LRP2: variants seen among roughly 807,000 people sequenced by gnomAD.
LRP2 encodes LDL receptor related protein 2.
A neutral mutation model predicts 531.0 loss-of-function variants in LRP2; 172 were observed. The observed-to-expected ratio is 0.32, with a 90% CI of 0.29 to 0.37. LRP2 has a LOEUF of 0.37. Ranked by LOEUF, LRP2 falls within the 10% of genes least tolerant of loss-of-function variation. The pLI is 1.00. For synonymous variants in LRP2, 1,992 were observed against 2,027.6 expected (o/e 0.98, Z 0.47); for missense variants, 5,167 against 5,868.3 (o/e 0.88, Z 3.90).
Position 169,238,151 on chromosome 2 carries a change from C to G in LRP2, c.4446G>C (p.Trp1482Cys). 1 of 1,614,116 alleles carries G rather than the reference C, an allele frequency of 6.2e-7. No individual in the cohort carries two copies. The highest frequency in any genetic ancestry group is 8.5e-7 in the Non-Finnish European group (1 of 1,180,004). The change falls in exon 27 of 79, where the codon TGG (tryptophan) becomes TGC (cysteine). Residue 1482 changes from tryptophan (W) to cysteine (C), a missense_variant. Trp to Cys is a radical substitution (Grantham distance 215). Transcript: ENST00000649046. Reference sequence around the variant, plus strand: ...AGGTTTTACCCTGAGTTGCATCAGACCAAAAGATACGACCACTAATTGAAT... The same window carrying G: ...AGGTTTTACCCTGAGTTGCATCAGAGCAAAAGATACGACCACTAATTGAAT... ...DFDSISGRIF[W>C]SDATQGKTWS...
chr2:169,169,630 G>C, intron 60 of LRP2, 72 bp downstream of exon 60: 1 of 1,136,542 alleles, frequency 8.8e-7, no homozygotes, highest in East Asian at 2.3e-5. Flanking sequence ...AGAAGCGGCA[G>C]CGGACTGATG....
chr2:169,355,657 T>C (rs1005944340), intron 1 of LRP2, among the ~76,000 whole-genome samples: 3 of 152,192 alleles, frequency 2.0e-5, no homozygotes, highest in Non-Finnish European at 2.9e-5. Flanking sequence ...TGTGATCTGA[T>C]AGGAGGTGGC....
intron 1 of LRP2, among the ~76,000 whole-genome samples, chr2:169,322,007 C>G (rs1279966088): frequency 6.6e-6 from 1 of 152,196 alleles, no homozygotes; most frequent in Non-Finnish European, 1.5e-5. Flanking sequence ...CTACCAGCCC[C>G]ACTTAGAGAA....
intron 54 of LRP2, 72 bp downstream of exon 54, chr2:169,176,339 C>T (rs1203649625): frequency 6.3e-7 from 1 of 1,586,630 alleles, no homozygotes; most frequent in Non-Finnish European, 8.6e-7. Context: ...ACTCCCATCC[C>T]TTGGAGCCTT....
intron 1 of LRP2, among the ~76,000 whole-genome samples, chr2:169,359,209 T>C (rs900034674): frequency 6.6e-6 from 1 of 152,202 alleles, no homozygotes; most frequent in African/African-American, 2.4e-5. Context: ...TCTTATTATC[T>C]TGTCAATTTT....
At chr2:169,338,413 G>GAAAGA (rs1685479696) in intron 1 of LRP2, among the ~76,000 whole-genome samples, 1 of 117,068 alleles carries the variant, frequency 8.5e-6, no homozygotes, top group Non-Finnish European at 1.9e-5. Context: ...AGAAAGAAAA[G>GAAAGA]AAAAGAAAAG....
intron 53 of LRP2, among the ~76,000 whole-genome samples, chr2:169,177,506 T>C (rs1034123066): frequency 6.6e-6 from 1 of 151,644 alleles, no homozygotes; most frequent in Non-Finnish European, 1.5e-5. Flanking sequence ...ATAGATGAAG[T>C]AAATATGGCA....
At chr2:169,337,035 C>G (rs763705694) in intron 1 of LRP2, among the ~76,000 whole-genome samples, 1 of 152,112 alleles carries the variant, frequency 6.6e-6, no homozygotes, top group Non-Finnish European at 1.5e-5. Context: ...AATGGTCCCA[C>G]CTCCGCCTGA....
chr2:169,312,383 T>G lies in LRP2; in HGVS notation c.311-4986A>C, dbSNP rs191374348. Among the ~76,000 whole-genome samples the G allele has an allele frequency of 1.2e-3, 177 of 152,364 alleles. 1 individual carries two copies. Among genetic ancestry groups the G allele is most frequent in the African/African-American group, 3.9e-3 (162 of 41,578 alleles). On this transcript the variant is annotated intron_variant, in intron 3 of 78. Transcript: ENST00000649046. ...GTTTAGTGCTTCCTTCAGGATTTCT[T>G]GTAAGGTAGGCCTGGTGGTGACAAA... is the stretch of plus-strand genomic sequence containing the variant.
chr2:169,326,950 G>C (rs1282593520), intron 1 of LRP2, among the ~76,000 whole-genome samples: 1 of 147,122 alleles, frequency 6.8e-6, no homozygotes, highest in Non-Finnish European at 1.5e-5. Context: ...CAGCCGCCCC[G>C]TCTGAGAAGT....
At chr2:169,189,973 G>T (rs532646844) in intron 48 of LRP2, among the ~76,000 whole-genome samples, 1 of 152,276 alleles carries the variant, frequency 6.6e-6, no homozygotes, top group African/African-American at 2.4e-5. Flanking sequence ...GATAAAGGAA[G>T]AACCCAGAAA....
At chr2:169,209,317 T>G in intron 38 of LRP2, 136 bp downstream of exon 38, 1 of 772,176 alleles carries the variant, frequency 1.3e-6, no homozygotes, top group South Asian at 1.5e-5. Context: ...TTAATCTAGA[T>G]TCAATGTATC....
At chr2:169,335,376 G>A (rs1473131596) in intron 1 of LRP2, among the ~76,000 whole-genome samples, 1 of 152,184 alleles carries the variant, frequency 6.6e-6, no homozygotes, top group Non-Finnish European at 1.5e-5. Flanking sequence ...TCATTATACT[G>A]TACATTAAAC....
rs577031353 is a variant in LRP2 at position 169,165,772 on chromosome 2, T to C, written c.11758+160A>G. On this transcript the variant is annotated intron_variant, in intron 62 of 78. Transcript: ENST00000649046. ...AACAGGCAGGGTTACATGTAAGCAA[T>C]GCATGTGTTTGCATGGTCTTGTAAA... 4.6e-5 allele frequency among the ~76,000 whole-genome samples: 7 copies of C among 152,340 alleles called. No homozygotes were observed. In the East Asian group the frequency reaches 1.3e-3, roughly 29 times the overall value.
intron 1 of LRP2, among the ~76,000 whole-genome samples, chr2:169,327,472 T>C (rs1685117221): frequency 1.0e-5 from 1 of 97,944 alleles, no homozygotes; most frequent in African/African-American, 4.2e-5. Context: ...AGCCGCCCCG[T>C]CTGGGAGGGA....
chr2:169,191,981 C>T lies in LRP2; in HGVS notation c.8883G>A (p.Pro2961=), dbSNP rs149148484. The change falls in exon 48 of 79, where the codon CCG becomes CCA. Residue 2961 remains proline (P), a synonymous_variant. Coordinates refer to ENST00000649046, the MANE Select transcript of LRP2 (RefSeq NM_004525.3). ...AAGACTGGGGAATGCACCTCCTGTCCGGAGGTCTGTCATTTACACAGAGAA... is the reference window on the plus strand; with the variant it reads ...AAGACTGGGGAATGCACCTCCTGTCTGGAGGTCTGTCATTTACACAGAGAA... The part of the protein sequence containing the change: ...SEFLCVNDRP[P]DRRCIPQSWV... 79 of 1,613,962 alleles carry T rather than the reference C, an allele frequency of 4.9e-5. No individual in the cohort carries two copies. Among genetic ancestry groups the T allele is most frequent in the South Asian group, 1.6e-4 (15 of 91,066 alleles).
At chr2:169,172,988 C>A in intron 57 of LRP2, 108 bp downstream of exon 57, 3 of 1,458,324 alleles carry the variant, frequency 2.1e-6, no homozygotes, top group Non-Finnish European at 1.9e-6. Flanking sequence ...CAGAGGTAAA[C>A]AAAGAAAAGA....
intron 3 of LRP2, among the ~76,000 whole-genome samples, chr2:169,311,111 C>G (rs1195820537): frequency 6.6e-6 from 1 of 151,988 alleles, no homozygotes; most frequent in African/African-American, 2.4e-5. Context: ...ATTAGTCTTC[C>G]TAGTGGTCTA....
intron 16 of LRP2, among the ~76,000 whole-genome samples, chr2:169,259,734 A>G (rs985967028): frequency 2.0e-5 from 1 of 50,274 alleles, no homozygotes; most frequent in African/African-American, 5.9e-5. Flanking sequence ...ACTGATTAAA[A>G]ACAACAACAA....
Sources: gnomAD v4.1 joint callset for allele counts (sites outside exome capture counted in the v4.1 genomes callset) on GRCh38, gnomAD v4.1.1 for gene constraint, MANE v1.5 for transcripts, NCBI Gene and HGNC (gene_info 2026-07-23, HGNC 2026-07-21) for gene names.